Variants in RARB observed in about 807,000 individuals in gnomAD.
RARB encodes retinoic acid receptor beta.
RARB carries 17 observed loss-of-function variants against 51.9 expected under a neutral mutation model. That is an observed-to-expected ratio of 0.33 (90% CI 0.22 to 0.49). The LOEUF (loss-of-function observed/expected upper bound fraction) is 0.49. RARB is among the 20% of genes least tolerant of loss of function. The pLI is 0.99. For synonymous variants in RARB, 215 were observed against 195.4 expected (o/e 1.10, Z -0.84); for missense variants, 369 against 550.8 (o/e 0.67, Z 3.30).
At chr3:25,528,422 G>A (rs777803768) in intron 3 of RARB, among the ~76,000 whole-genome samples, 1 of 152,062 alleles carries the variant, frequency 6.6e-6, no homozygotes. Flanking sequence ...TGGGACAGGG[G>A]AAATTCCAGC....
chr3:24,875,226 C>G (rs1319061300), intron 2 of RARB, among the ~76,000 whole-genome samples: 1 of 151,990 alleles, frequency 6.6e-6, no homozygotes, highest in Non-Finnish European at 1.5e-5. Flanking sequence ...TTTTAGTGAA[C>G]CAACTGTATT....
chr3:25,312,333 C>A (rs142211528), intron 5 of RARB, among the ~76,000 whole-genome samples: 1 of 151,748 alleles, frequency 6.6e-6, no homozygotes, highest in East Asian at 1.9e-4. Flanking sequence ...AAAACAACCC[C>A]GGGAGGGAGG....
At chr3:25,169,149 GTC>G (rs1207389975) in intron 4 of RARB, among the ~76,000 whole-genome samples, 1 of 152,130 alleles carries the variant, frequency 6.6e-6, no homozygotes, top group Admixed American at 6.5e-5. Flanking sequence ...TTCATGCAGA[GTC>G]TCAAAAAATT....
chr3:25,207,279 C>A (rs1701573330), intron 5 of RARB, among the ~76,000 whole-genome samples: 1 of 152,072 alleles, frequency 6.6e-6, no homozygotes. Flanking sequence ...TGTGATCCTC[C>A]CCTGTGCCCA....
intron 5 of RARB, among the ~76,000 whole-genome samples, chr3:25,374,433 A>C (rs1706395961): frequency 6.6e-6 from 1 of 152,160 alleles, no homozygotes; most frequent in Non-Finnish European, 1.5e-5. Flanking sequence ...CTGCCCTGAT[A>C]CCAGCAATAG....
chr3:25,030,479 T>G (rs1040068132), intron 2 of RARB, among the ~76,000 whole-genome samples: 2 of 152,252 alleles, frequency 1.3e-5, no homozygotes, highest in African/African-American at 4.8e-5. Flanking sequence ...AATGGTGATG[T>G]CAAAGATGTT....
chr3:25,200,525 T>C (rs1182355457), intron 5 of RARB, among the ~76,000 whole-genome samples: 3 of 152,198 alleles, frequency 2.0e-5, no homozygotes, highest in East Asian at 1.9e-4. Context: ...CCCATGTCTA[T>C]GTCCTGAATG....
intron 4 of RARB, among the ~76,000 whole-genome samples, chr3:25,570,732 C>T (rs1466213318): frequency 6.6e-6 from 1 of 152,168 alleles, no homozygotes; most frequent in Admixed American, 6.5e-5. Flanking sequence ...ATGTAATAGA[C>T]ACTCAGTAGA....
intron 4 of RARB, among the ~76,000 whole-genome samples, chr3:25,146,841 C>G (rs1009027395): frequency 6.6e-6 from 1 of 152,126 alleles, no homozygotes; most frequent in Non-Finnish European, 1.5e-5. Context: ...TGAATTCATT[C>G]TTTTGGCGCT....
intron 3 of RARB, among the ~76,000 whole-genome samples, chr3:25,525,537 G>A (rs1027506815): frequency 6.7e-6 from 1 of 149,620 alleles, no homozygotes; most frequent in Non-Finnish European, 1.5e-5. Flanking sequence ...CATATTTTCT[G>A]AGCACTTACT....
At chr3:25,420,359 C>T (rs1272826551) in intron 5 of RARB, among the ~76,000 whole-genome samples, 1 of 152,192 alleles carries the variant, frequency 6.6e-6, no homozygotes, top group African/African-American at 2.4e-5. Flanking sequence ...GGGCTTTTAG[C>T]TTTCCCTCAG....
At chr3:25,237,147 G>C (rs1702320682) in intron 5 of RARB, among the ~76,000 whole-genome samples, 2 of 151,876 alleles carry the variant, frequency 1.3e-5, no homozygotes, top group African/African-American at 4.8e-5. Context: ...AAGCTTTCTT[G>C]CATTAATATC....
intron 5 of RARB, among the ~76,000 whole-genome samples, chr3:25,372,550 G>T (rs76459417): frequency 6.6e-6 from 1 of 152,178 alleles, no homozygotes; most frequent in African/African-American, 2.4e-5. Context: ...AGCTGGGTGC[G>T]GTGGCTCACA....
intron 5 of RARB, among the ~76,000 whole-genome samples, chr3:25,215,875 A>T (rs1191655890): frequency 6.6e-6 from 1 of 152,176 alleles, no homozygotes; most frequent in Non-Finnish European, 1.5e-5. Context: ...GCGTATTTTG[A>T]TGTCAGACTC....
intron 2 of RARB, among the ~76,000 whole-genome samples, chr3:25,010,594 C>T (rs1179836604): frequency 6.6e-6 from 1 of 152,098 alleles, no homozygotes; most frequent in Non-Finnish European, 1.5e-5. Context: ...GATCTTCTAT[C>T]TGGTTGCAAC....
intron 3 of RARB, among the ~76,000 whole-genome samples, chr3:25,540,871 G>A (rs1031985763): frequency 7.0e-6 from 1 of 142,534 alleles, no homozygotes; most frequent in Non-Finnish European, 1.5e-5. Flanking sequence ...TTCAGGTCAT[G>A]GTGGGGGCTT....
At chr3:25,387,670 G>A (rs533968024) in intron 5 of RARB, among the ~76,000 whole-genome samples, 2 of 151,220 alleles carry the variant, frequency 1.3e-5, no homozygotes, top group Non-Finnish European at 2.9e-5. Flanking sequence ...GTGTAAAGTG[G>A]CTCACCATCA....
intron 3 of RARB, among the ~76,000 whole-genome samples, chr3:25,556,036 A>G (rs1377290821): frequency 6.6e-6 from 1 of 151,630 alleles, no homozygotes; most frequent in Non-Finnish European, 1.5e-5. Context: ...TAGCAGAAGC[A>G]TTCCCAGGAA....
chr3:25,360,184 G>A (rs1217024496), intron 5 of RARB, among the ~76,000 whole-genome samples: 1 of 152,146 alleles, frequency 6.6e-6, no homozygotes, highest in Non-Finnish European at 1.5e-5. Flanking sequence ...ATATATTTAG[G>A]AGAGTTCGCT....
Sources: allele counts gnomAD v4.1 joint callset (sites outside exome capture counted in the v4.1 genomes callset), GRCh38; gene constraint gnomAD v4.1.1; transcripts MANE v1.5; gene names NCBI Gene and HGNC (gene_info 2026-07-23, HGNC 2026-07-21).